Variants in PDPN observed in about 807,000 individuals in gnomAD.
PDPN encodes the protein PA2.26 antigen.
In PDPN, 12 loss-of-function variants were observed where a neutral mutation model predicts 23.2. The ratio of observed to expected loss-of-function variants is 0.52; its 90% CI spans 0.33 to 0.84. PDPN has a LOEUF of 0.84. Ranked by LOEUF, PDPN falls within the 40% of genes least tolerant of loss-of-function variation. The pLI, the probability that PDPN is intolerant of heterozygous loss-of-function variation, is 0.02. For missense variants in PDPN, 199 were observed against 212.2 expected (o/e 0.94, Z 0.39); for synonymous variants, 77 against 76.7 (o/e 1.00, Z -0.02).
At chr1:13,614,638 C>T in intron 5 of PDPN, 2 of 452,716 alleles carry the variant, frequency 4.4e-6, no homozygotes, top group Non-Finnish European at 4.1e-6. Context: ...CTTACTTGGG[C>T]CTCTTGAGTG....
chr1:13,596,073 C>T (rs1403468510), intron 1 of PDPN: 3 of 337,550 alleles, frequency 8.9e-6, no homozygotes, highest in East Asian at 1.6e-4. Flanking sequence ...GTGGCAGGTG[C>T]CTGTAATCCC....
At chr1:13,596,198 C>CA (rs74323863) in intron 1 of PDPN, among the ~76,000 whole-genome samples, 8,054 of 67,716 alleles carry the variant, frequency 0.12, 381 homozygotes, top group Middle Eastern at 0.24. Flanking sequence ...GACTCCGTCT[C>CA]AAAAAAAAAA....
rs112453574 is a variant in PDPN, at chr1:13,610,723, G to A, written c.331+207G>A. On this transcript the variant is annotated intron_variant, in intron 3 of 5. Coordinates refer to ENST00000621990, the MANE Select transcript of PDPN (RefSeq NM_006474.5). ...GTTGCTGAACGTACCTCTCTACCTAGAATAACTAGTGATAACACCTGCACA... is the reference window on the plus strand; with the variant it reads ...GTTGCTGAACGTACCTCTCTACCTAAAATAACTAGTGATAACACCTGCACA... Among the ~76,000 whole-genome samples the A allele has an allele frequency of 2.0e-5, 3 of 152,302 alleles. 1 individual carries two copies. Among genetic ancestry groups the A allele is most frequent in the African/African-American group, 7.2e-5 (3 of 41,568 alleles).
In PDPN at chr1:13,616,922, A is replaced by G. The variant is rs973039147; in HGVS notation, c.*1011A>G. The G allele has an allele frequency of 1.3e-5, 2 of 152,242 alleles. No individual in the cohort carries two copies. Among genetic ancestry groups the G allele is most frequent in the Admixed American group, 6.5e-5 (1 of 15,278 alleles). 9.4% of individuals were successfully genotyped at this position (152,242 alleles called of 1,614,324 possible). The stretch of plus-strand genomic sequence containing the variant: ...AAATAAAATCTGCCAGTTTTATAAC[A>G]TTCACTTTCTGCCTCTGAGGAAAGA... On this transcript the variant is annotated 3_prime_UTR_variant, in exon 6 of 6. Coordinates refer to ENST00000621990, the MANE Select transcript of PDPN (RefSeq NM_006474.5).
chr1:13,589,327 A>G (rs1039369446), intron 1 of PDPN, among the ~76,000 whole-genome samples: 2 of 152,214 alleles, frequency 1.3e-5, no homozygotes, highest in African/African-American at 4.8e-5. Flanking sequence ...TGTTCTAAAT[A>G]AACTATTTGG....
chr1:13,585,581 G>C, intron 1 of PDPN: 1 of 1,352,068 alleles, frequency 7.4e-7, no homozygotes, highest in Non-Finnish European at 9.8e-7. Flanking sequence ...AACATCCTTT[G>C]TTTTTGCCCA....
chr1:13,614,392 A>G lies in PDPN; in HGVS notation c.463A>G (p.Lys155Glu). The G allele has an allele frequency of 6.3e-7, 1 of 1,586,498 alleles. No homozygotes were observed. Among genetic ancestry groups the G allele is most frequent in the Non-Finnish European group, 8.7e-7 (1 of 1,154,810 alleles). Residue 155 changes from lysine (K) to glutamate (E), a missense_variant, in exon 5 of 6, where the codon AAA becomes GAA. By Grantham distance (56) the Lys-to-Glu change is moderately conservative (BLOSUM62 1). Transcript: ENST00000621990. ...TGCAATCATCGTTGTGGTTATGCGA[A>G]AAATGTCGGGAAGGTACTCGTAAGT... ...IGAIIVVVMR[K>E]MSGRYSP
rs556856738 is a variant in PDPN, at chr1:13,617,210, C to T, written c.*1299C>T. 2.0e-5 allele frequency: 3 copies of T among 151,038 alleles called. No homozygotes were observed. The highest frequency in any genetic ancestry group is 4.2e-4 in the South Asian group (2 of 4,756). The allele number at this position is 151,038 out of a possible 1,614,324, so 9.4% of individuals were successfully genotyped here. A position where few individuals can be genotyped will look rare whatever the true frequency, so the allele number is the denominator to read the frequency against. On this transcript the variant is annotated 3_prime_UTR_variant, in exon 6 of 6. Transcript: ENST00000621990. ...TTTTTACACTGAGCAGATGCTCTGT[C>T]ATGATGGCGGTTGTGCAATTCTGGT...
At chr1:13,595,036 T>C (rs1258814176) in intron 1 of PDPN, among the ~76,000 whole-genome samples, 1 of 150,114 alleles carries the variant, frequency 6.7e-6, no homozygotes, top group South Asian at 2.1e-4. Context: ...AACGAGAGCA[T>C]GCACCTGACG....
intron 1 of PDPN, among the ~76,000 whole-genome samples, chr1:13,598,662 A>G (rs549520368): frequency 3.2e-4 from 49 of 152,086 alleles, no homozygotes; most frequent in African/African-American, 1.0e-3. Context: ...CACACCTCTC[A>G]GCCCCATCTC....
chr1:13,584,882 T>C (rs1029646124), intron 1 of PDPN, among the ~76,000 whole-genome samples: 3 of 152,230 alleles, frequency 2.0e-5, no homozygotes, highest in African/African-American at 7.2e-5. Context: ...CAGCTTCCAT[T>C]ACCCTTTGTC....
In PDPN at chr1:13,595,813, C is replaced by T. The variant is rs569017622; in HGVS notation, c.68-11360C>T. 85 of 1,235,244 alleles carry T rather than the reference C, an allele frequency of 6.9e-5. No individual in the cohort carries two copies. In the South Asian group the frequency reaches 9.1e-4, roughly 13 times the overall value. 76.5% of individuals were successfully genotyped at this position (1,235,244 alleles called of 1,614,324 possible). The stretch of plus-strand genomic sequence containing the variant: ...GCCGTGCTATCTTCAGCTATGCCGT[C>T]TCTTTCATTACAGGGGAAGGCGTTT... On this transcript the variant is annotated intron_variant, in intron 1 of 5. Transcript: ENST00000621990.
intron 5 of PDPN, 113 bp downstream of exon 5, chr1:13,614,524 C>CCTGT: frequency 1.5e-6 from 1 of 686,106 alleles, no homozygotes; most frequent in Non-Finnish European, 2.6e-6. Flanking sequence ...GTGGCTCGTG[C>CCTGT]CTGTAGTCTC....
chr1:13,593,302 G>T (rs1005892804), intron 1 of PDPN, among the ~76,000 whole-genome samples: 10 of 152,116 alleles, frequency 6.6e-5, no homozygotes, highest in Non-Finnish European at 1.5e-4. Context: ...GATATGATGA[G>T]TTTGAGGTAA....
chr1:13,611,504 T>C (rs1483575458), intron 3 of PDPN, among the ~76,000 whole-genome samples: 4 of 152,166 alleles, frequency 2.6e-5, no homozygotes, highest in East Asian at 3.9e-4. Context: ...TCTCTACTTA[T>C]ATGAGGCCCC....
At chr1:13,614,548 C>T (rs1570064202) in intron 5 of PDPN, 137 bp downstream of exon 5, 9 of 635,380 alleles carry the variant, frequency 1.4e-5, no homozygotes, top group Non-Finnish European at 2.6e-5. Flanking sequence ...TGCTGGGCAC[C>T]TGCAGACCAG....
intron 1 of PDPN, among the ~76,000 whole-genome samples, chr1:13,586,897 C>A (rs552050780): frequency 6.6e-6 from 1 of 151,792 alleles, no homozygotes; most frequent in South Asian, 2.1e-4. Context: ...ACTAAAAATA[C>A]AAAAATTAGT....
At chr1:13,612,573 C>T (rs1640961687) in intron 3 of PDPN, among the ~76,000 whole-genome samples, 1 of 152,100 alleles carries the variant, frequency 6.6e-6, no homozygotes, top group African/African-American at 2.4e-5. Context: ...AGCTCAAATC[C>T]AGCCGTGTCC....
intron 1 of PDPN, among the ~76,000 whole-genome samples, chr1:13,603,032 AT>A (rs1640687288): frequency 6.6e-6 from 1 of 151,052 alleles, no homozygotes; most frequent in Non-Finnish European, 1.5e-5. Flanking sequence ...ATATATATAT[AT>A]AAAAATAAAA....
Sources: gnomAD v4.1 joint callset for allele counts (sites outside exome capture counted in the v4.1 genomes callset) on GRCh38, gnomAD v4.1.1 for gene constraint, MANE v1.5 for transcripts, NCBI Gene and HGNC (gene_info 2026-07-23, HGNC 2026-07-21) for gene names.